The following RIN2 variants were observed in gnomAD, a reference collection of about 807,000 sequenced individuals.
The protein encoded by RIN2 is RAB5 interacting protein 2.
A neutral mutation model predicts 78.0 loss-of-function variants in RIN2; 36 were observed. The observed-to-expected ratio is 0.46, with a 90% confidence interval of 0.35 to 0.61. The LOEUF (loss-of-function observed/expected upper bound fraction) is 0.61, where lower values mean the gene tolerates loss of function less well. RIN2 is among the 20% of genes least tolerant of loss of function. The pLI, the probability that RIN2 is intolerant of heterozygous loss-of-function variation, is 0.00. For missense variants in RIN2, 1,087 were observed against 1,159.7 expected (o/e 0.94, Z 0.91); for synonymous variants, 466 against 466.8 (o/e 1.00, Z 0.02).
intron 1 of RIN2, among the ~76,000 whole-genome samples, chr20:19,762,144 C>A (rs1230442549): frequency 6.6e-6 from 1 of 152,166 alleles, no homozygotes; most frequent in African/African-American, 2.4e-5. Context: ...GGAACAGAAG[C>A]CTGCTAACAG....
intron 3 of RIN2, among the ~76,000 whole-genome samples, chr20:19,934,798 G>A (rs1198879465): frequency 6.6e-6 from 1 of 151,906 alleles, no homozygotes; most frequent in African/African-American, 2.4e-5. Context: ...AAAGCTAACT[G>A]GGTGTTATAT....
At position 19,915,772 on chromosome 20, in the gene RIN2, A is replaced by C. The variant is rs80035258; in HGVS notation, c.58-19327A>C. 3.5e-3 allele frequency among the ~76,000 whole-genome samples: 536 copies of C among 152,240 alleles called. 3 individuals carry two copies. Among genetic ancestry groups the C allele is most frequent in the African/African-American group, 0.011 (475 of 41,528 alleles). ...ACCCACTCTGCTCTCTTCCTTCCCT[A>C]AACCAACTCTATGTGCTCAGAGGAC... On this transcript the variant is annotated intron_variant, in intron 3 of 12. Coordinates refer to ENST00000255006, the MANE Select transcript of RIN2 (RefSeq NM_018993.4).
intron 1 of RIN2, among the ~76,000 whole-genome samples, chr20:19,784,866 C>A (rs557457651): frequency 1.3e-5 from 2 of 152,104 alleles, no homozygotes; most frequent in African/African-American, 4.8e-5. Context: ...GAGGCTACAG[C>A]CGTAGGAAAG....
chr20:19,855,815 C>G (rs1024137288), intron 2 of RIN2, among the ~76,000 whole-genome samples: 5 of 152,194 alleles, frequency 3.3e-5, no homozygotes, highest in Admixed American at 2.6e-4. Flanking sequence ...GTGGCTCACG[C>G]TTGTAATCCT....
rs556004341 is a variant in RIN2, at chr20:19,922,185, G to A, written c.58-12914G>A. 3.3e-5 allele frequency among the ~76,000 whole-genome samples: 5 copies of A among 152,244 alleles called. No individual in the cohort carries two copies. The East Asian group carries it at 7.7e-4, about 24-fold the overall frequency. ...CCCGCCTGGGTCCGTCTTAAAGGGAGCTTGAGGACAATGTAGGTCTCACCT... is the reference window on the plus strand; with the variant it reads ...CCCGCCTGGGTCCGTCTTAAAGGGAACTTGAGGACAATGTAGGTCTCACCT... On this transcript the variant is annotated intron_variant, in intron 3 of 12. Transcript: ENST00000255006.
At chr20:19,870,742 G>A (rs777383562) in intron 2 of RIN2, among the ~76,000 whole-genome samples, 1 of 152,190 alleles carries the variant, frequency 6.6e-6, no homozygotes, top group Non-Finnish European at 1.5e-5. Flanking sequence ...TTCTATGATG[G>A]GATGTCCCTC....
chr20:19,835,417 G>C (rs1488040102), intron 2 of RIN2, among the ~76,000 whole-genome samples: 1 of 152,080 alleles, frequency 6.6e-6, no homozygotes, highest in African/African-American at 2.4e-5. Context: ...AATTTTTTGA[G>C]GGCAGAATAT....
intron 2 of RIN2, chr20:19,823,617 G>A (rs1411117121): frequency 7.0e-5 from 108 of 1,542,060 alleles, no homozygotes; most frequent in Admixed American, 2.2e-4. Context: ...CAATGTTGAC[G>A]ATCTCATCAA....
intron 1 of RIN2, among the ~76,000 whole-genome samples, chr20:19,760,171 G>C (rs17370106): frequency 0.075 from 11,481 of 152,316 alleles, 435 homozygotes; most frequent in South Asian, 0.12. Flanking sequence ...GGCACCTCCA[G>C]AGAGAGCATC....
intron 1 of RIN2, among the ~76,000 whole-genome samples, chr20:19,788,952 A>T (rs1174228586): frequency 3.3e-5 from 5 of 152,250 alleles, no homozygotes; most frequent in Non-Finnish European, 7.3e-5. Flanking sequence ...TAATTATAAA[A>T]TTCAAAGCCA....
chr20:19,861,460 ACC>A (rs1028427121), intron 2 of RIN2, among the ~76,000 whole-genome samples: 7 of 152,246 alleles, frequency 4.6e-5, no homozygotes, highest in African/African-American at 1.7e-4. Context: ...TTAACAAAGA[ACC>A]CTGCTAAGTA....
intron 2 of RIN2, among the ~76,000 whole-genome samples, chr20:19,860,542 C>T (rs1471854791): frequency 2.0e-5 from 3 of 152,024 alleles, no homozygotes; most frequent in South Asian, 2.1e-4. Context: ...ATACTCGTCT[C>T]GAACTCCTGA....
intron 3 of RIN2, among the ~76,000 whole-genome samples, chr20:19,900,247 G>A (rs1237336085): frequency 6.6e-6 from 1 of 151,668 alleles, no homozygotes; most frequent in South Asian, 2.1e-4. Flanking sequence ...ACTTTGGGAG[G>A]CTGAGGCTGG....
intron 3 of RIN2, among the ~76,000 whole-genome samples, chr20:19,914,056 CAG>C (rs1213876006): frequency 3.9e-5 from 6 of 152,144 alleles, no homozygotes; most frequent in South Asian, 2.1e-4. Context: ...ATGCAACTAC[CAG>C]AGTTTGCGGT....
intron 1 of RIN2, among the ~76,000 whole-genome samples, chr20:19,787,368 A>C (rs867246921): frequency 2.1e-5 from 3 of 145,462 alleles, no homozygotes; most frequent in African/African-American, 7.6e-5. Flanking sequence ...GGTTGCAGTG[A>C]GCTGAGATCG....
intron 2 of RIN2, among the ~76,000 whole-genome samples, chr20:19,812,315 C>A (rs1480807254): frequency 6.6e-6 from 1 of 152,036 alleles, no homozygotes; most frequent in Non-Finnish European, 1.5e-5. Flanking sequence ...GAGACTGTAC[C>A]ATTTTATGTT....
At chr20:19,964,637 C>A (rs1406857645) in intron 6 of RIN2, among the ~76,000 whole-genome samples, 1 of 152,114 alleles carries the variant, frequency 6.6e-6, no homozygotes, top group Non-Finnish European at 1.5e-5. Context: ...TCCAGACAGA[C>A]TGGCCCCTTG....
intron 2 of RIN2, among the ~76,000 whole-genome samples, chr20:19,814,800 A>G (rs183967578): frequency 6.6e-6 from 1 of 151,470 alleles, no homozygotes; most frequent in Non-Finnish European, 1.5e-5. Flanking sequence ...TATGTTGCCC[A>G]GTCTGGCTTT....
intron 1 of RIN2, among the ~76,000 whole-genome samples, chr20:19,788,545 T>G (rs2034782261): frequency 6.8e-6 from 1 of 146,856 alleles, no homozygotes; most frequent in South Asian, 2.1e-4. Context: ...GAGGTTGCAG[T>G]GGGCTGGGAT....
Sources: gnomAD v4.1 joint callset for allele counts (sites outside exome capture counted in the v4.1 genomes callset) on GRCh38, gnomAD v4.1.1 for gene constraint, MANE v1.5 for transcripts, NCBI Gene and HGNC (gene_info 2026-07-23, HGNC 2026-07-21) for gene names.